Variants in TTC3 observed in about 807,000 individuals in gnomAD.
TTC3 encodes E3 ubiquitin-protein ligase TTC3.
In TTC3, 180 loss-of-function variants were observed where a neutral mutation model predicts 249.6. The observed-to-expected ratio is 0.72, with a 90% CI of 0.64 to 0.82. The LOEUF (loss-of-function observed/expected upper bound fraction) is 0.82, where lower values mean the gene tolerates loss of function less well. TTC3 is among the 40% of genes least tolerant of loss of function. The pLI is 0.00. For missense variants in TTC3, 2,061 were observed against 2,398.4 expected (o/e 0.86, Z 2.94); for synonymous variants, 717 against 805.0 (o/e 0.89, Z 1.85).
At chr21:37,122,885 G>GT (rs11440324) in intron 12 of TTC3, 98 bp from the exon 13 acceptor site, 1,299,869 of 1,299,880 alleles carry the variant, frequency 1, 649,929 homozygotes, top group Middle Eastern at 1. Context: ...TAAATTTGAG[G>GT]TCCTTACTAT....
At chr21:37,188,775 C>A in intron 39 of TTC3, 180 bp downstream of exon 39, 1 of 429,402 alleles carries the variant, frequency 2.3e-6, no homozygotes, top group Non-Finnish European at 4.1e-6. Flanking sequence ...ATTCCTAATT[C>A]TAAATGGATA....
At chr21:37,168,683 G>T (rs904221852) in intron 34 of TTC3, among the ~76,000 whole-genome samples, 9 of 151,902 alleles carry the variant, frequency 5.9e-5, no homozygotes, top group African/African-American at 2.2e-4. Context: ...ACATGAACAG[G>T]GCAAATTAGT....
At chr21:37,145,874 T>C (rs1248628448) in intron 21 of TTC3, among the ~76,000 whole-genome samples, 1 of 152,108 alleles carries the variant, frequency 6.6e-6, no homozygotes, top group East Asian at 1.9e-4. Flanking sequence ...AGGGAATTAA[T>C]CTGTTCATGA....
chr21:37,186,627 A>G (rs1325660264), intron 37 of TTC3, among the ~76,000 whole-genome samples: 1 of 152,102 alleles, frequency 6.6e-6, no homozygotes, highest in Non-Finnish European at 1.5e-5. Flanking sequence ...GGGTTTTGCC[A>G]TGCTGTCTAG....
At chr21:37,143,892 A>C (rs2078731913) in intron 20 of TTC3, among the ~76,000 whole-genome samples, 1 of 121,298 alleles carries the variant, frequency 8.2e-6, no homozygotes, top group African/African-American at 3.4e-5. Context: ...GCACATATAC[A>C]CCATGGAATA....
chr21:37,145,267 C>G (rs1038714353), intron 21 of TTC3, among the ~76,000 whole-genome samples: 1 of 152,148 alleles, frequency 6.6e-6, no homozygotes. Context: ...TTTAAAATCA[C>G]AGAAGTCAAC....
chr21:37,201,292 G>C, intron 45 of TTC3, 148 bp from the exon 46 acceptor site: 2 of 957,882 alleles, frequency 2.1e-6, no homozygotes, highest in Non-Finnish European at 3.3e-6. Context: ...GCCTGAGCGG[G>C]TGTTGGTGTC....
At chr21:37,188,921 G>A (rs1602109524) in intron 39 of TTC3, among the ~76,000 whole-genome samples, 1 of 152,246 alleles carries the variant, frequency 6.6e-6, no homozygotes, top group African/African-American at 2.4e-5. Context: ...ATTTTGAAAA[G>A]TTGGATAGTA....
At chr21:37,075,342 A>G (rs957676180) in intron 1 of TTC3, among the ~76,000 whole-genome samples, 2 of 151,922 alleles carry the variant, frequency 1.3e-5, no homozygotes, top group Admixed American at 1.3e-4. Flanking sequence ...TCAGTTTTTG[A>G]CTCTTAAAAA....
At chr21:37,199,582 TTTG>T (rs1272692158) in intron 44 of TTC3, among the ~76,000 whole-genome samples, 2 of 152,184 alleles carry the variant, frequency 1.3e-5, no homozygotes, top group East Asian at 3.8e-4. Flanking sequence ...GAGCCATCCG[TTTG>T]TTTTGTTTTG....
intron 44 of TTC3, among the ~76,000 whole-genome samples, chr21:37,199,811 T>C (rs980936434): frequency 6.6e-6 from 1 of 152,206 alleles, no homozygotes; most frequent in Non-Finnish European, 1.5e-5. Flanking sequence ...ATGTCAGGGA[T>C]TATGGGCTTC....
chr21:37,141,597 G>A (rs565082669), intron 20 of TTC3, among the ~76,000 whole-genome samples: 2 of 152,192 alleles, frequency 1.3e-5, no homozygotes, highest in African/African-American at 4.8e-5. Flanking sequence ...TTGAAACCCT[G>A]TCTGTACTAA....
intron 20 of TTC3, among the ~76,000 whole-genome samples, chr21:37,143,657 A>T (rs1018291936): frequency 4.2e-4 from 63 of 151,534 alleles, no homozygotes; most frequent in African/African-American, 1.5e-3. Context: ...ACTGTAAACT[A>T]GTTCAACCAT....
chr21:37,081,173 A>G (rs543402291), intron 1 of TTC3, among the ~76,000 whole-genome samples: 1 of 119,822 alleles, frequency 8.3e-6, no homozygotes, highest in East Asian at 2.7e-4. Context: ...GCTGGAGTGC[A>G]GTGGCGCCAT....
At chr21:37,183,863 T>G (rs2082982010) in intron 36 of TTC3, among the ~76,000 whole-genome samples, 1 of 152,204 alleles carries the variant, frequency 6.6e-6, no homozygotes, top group African/African-American at 2.4e-5. Flanking sequence ...TACCTTTTAT[T>G]CCTTAAAACA....
chr21:37,176,350 CA>C (rs2082285034), intron 35 of TTC3, among the ~76,000 whole-genome samples: 1 of 152,132 alleles, frequency 6.6e-6, no homozygotes, highest in Admixed American at 6.5e-5. Flanking sequence ...AAAGAAACCC[CA>C]TATTTATTAA....
intron 1 of TTC3, chr21:37,082,997 A>G (rs912369008): frequency 1.0e-5 from 10 of 985,288 alleles, no homozygotes; most frequent in Non-Finnish European, 1.2e-5. Flanking sequence ...AATGGATTGC[A>G]CAATATATCC....
chr21:37,105,448 A>AATGT (rs2074985094), intron 10 of TTC3, among the ~76,000 whole-genome samples: 2 of 152,160 alleles, frequency 1.3e-5, no homozygotes, highest in African/African-American at 4.8e-5. Flanking sequence ...GTCCCCTCAG[A>AATGT]ATGTAGGATG....
chr21:37,095,485 A>T (rs1438597183), intron 9 of TTC3, 41 bp downstream of exon 9: 3 of 1,307,510 alleles, frequency 2.3e-6, no homozygotes, highest in Non-Finnish European at 3.2e-6. Flanking sequence ...TTTCTATGGC[A>T]CATCAAGTTA....
Sources: gnomAD v4.1 joint callset for allele counts (sites outside exome capture counted in the v4.1 genomes callset) on GRCh38, gnomAD v4.1.1 for gene constraint, MANE v1.5 for transcripts, NCBI Gene and HGNC (gene_info 2026-07-23, HGNC 2026-07-21) for gene names.